LRRN3: variants seen among roughly 807,000 people sequenced by gnomAD.
LRRN3 encodes leucine rich repeat neuronal 3, also known as leucine-rich repeat neuronal protein 3.
LRRN3 carries 15 observed loss-of-function variants against 40.1 expected under a neutral mutation model. The observed-to-expected ratio is 0.37, with a 90% CI of 0.25 to 0.58. The LOEUF (loss-of-function observed/expected upper bound fraction) is 0.58, where lower values mean the gene tolerates loss of function less well. Among genes scored for constraint, LRRN3 ranks in the 20% least tolerant of loss-of-function variants. LRRN3 has a pLI of 0.72. For synonymous variants in LRRN3, 308 were observed against 297.2 expected, an observed-to-expected ratio of 1.04 and a Z score of -0.37; for missense variants, 746 against 837.7, an observed-to-expected ratio of 0.89 and a Z score of 1.35.
In LRRN3 at chr7:111,124,428, T is replaced by G; in HGVS notation, c.1656T>G (p.Val552=). 6.2e-7 allele frequency: 1 copy of G among 1,613,810 alleles called. No homozygotes were observed. The highest frequency in any genetic ancestry group is 1.1e-5 in the South Asian group (1 of 91,072). The change falls in exon 3 of 3, where the codon GTT becomes GTG. Residue 552 remains valine, a synonymous_variant. Coordinates refer to ENST00000308478, the MANE Select transcript of LRRN3 (RefSeq NM_001099658.2). ...GTTCTAAAATTCTCAAATCTAGTGTTAAATGGACAGCCTTTGTCAAGACTG... is the reference window on the plus strand; with the variant it reads ...GTTCTAAAATTCTCAAATCTAGTGTGAAATGGACAGCCTTTGTCAAGACTG... ...KASSKILKSS[V]KWTAFVKTEN...
intron 1 of LRRN3, among the ~76,000 whole-genome samples, chr7:111,096,508 TAA>T (rs5886589): frequency 4.1e-5 from 6 of 144,774 alleles, no homozygotes; most frequent in African/African-American, 1.3e-4. Flanking sequence ...GAGTTAAATT[TAA>T]AAAAAAAAAA....
intron 2 of LRRN3, among the ~76,000 whole-genome samples, chr7:111,118,752 T>C (rs555359312): frequency 3.9e-5 from 6 of 152,202 alleles, no homozygotes; most frequent in Admixed American, 2.0e-4. Context: ...TCCACAGACT[T>C]AAGAAAAAGT....
At position 111,125,195 on chromosome 7, in the gene LRRN3, A is replaced by G. The variant is rs1002137819; in HGVS notation, c.*296A>G. ...GACTACAGTTCAAGTGGACAAAAAC[A>G]TTTCTGTATTTTTTTTAAGTAAATA... is the stretch of plus-strand genomic sequence containing the variant. On this transcript the variant is annotated 3_prime_UTR_variant, in exon 3 of 3. Transcript: ENST00000308478. 4 of 266,812 alleles carry G rather than the reference A, an allele frequency of 1.5e-5. No homozygotes were observed. The Admixed American group carries it at 1.5e-4, about 10-fold the overall frequency. The allele number at this position is 266,812 out of a possible 1,614,324, so 16.5% of individuals were successfully genotyped here. A position where few individuals can be genotyped will look rare whatever the true frequency, so the allele number is the denominator to read the frequency against.
At chr7:111,114,762 G>GA (rs555204081) in intron 2 of LRRN3, among the ~76,000 whole-genome samples, 14 of 145,818 alleles carry the variant, frequency 9.6e-5, no homozygotes, top group Admixed American at 6.8e-5. Context: ...AAGAAAGAAA[G>GA]AAAAAAAAAG....
In LRRN3 at chr7:111,093,575, A is replaced by C. The variant is rs535264719; in HGVS notation, c.-441+2071A>C. 8.5e-5 allele frequency among the ~76,000 whole-genome samples: 13 copies of C among 152,312 alleles called. No individual in the cohort carries two copies. The East Asian group carries it at 1.2e-3, about 14-fold the overall frequency. On this transcript the variant is annotated intron_variant, in intron 1 of 2. Transcript: ENST00000308478. ...CTAACCCGCCTTATTTTAAAATTGCAATAGATGACACCTAAGAACAGTGGA... is the reference window on the plus strand; with the variant it reads ...CTAACCCGCCTTATTTTAAAATTGCCATAGATGACACCTAAGAACAGTGGA...
chr7:111,098,907 A>C (rs1406849836), intron 1 of LRRN3, among the ~76,000 whole-genome samples: 1 of 151,744 alleles, frequency 6.6e-6, no homozygotes, highest in African/African-American at 2.4e-5. Flanking sequence ...TTCTCTATCA[A>C]AATACAGTAA....
At chr7:111,093,954 G>T (rs1366189443) in intron 1 of LRRN3, among the ~76,000 whole-genome samples, 1 of 152,100 alleles carries the variant, frequency 6.6e-6, no homozygotes, top group African/African-American at 2.4e-5. Flanking sequence ...TGGAGGTGGT[G>T]GTTGTTGTTG....
intron 2 of LRRN3, among the ~76,000 whole-genome samples, chr7:111,111,446 C>T (rs552028989): frequency 3.3e-4 from 50 of 151,168 alleles, no homozygotes; most frequent in African/African-American, 9.7e-4. Context: ...TTACTTCCCC[C>T]GCCCTTAATT....
At chr7:111,112,659 G>C (rs1270452652) in intron 2 of LRRN3, among the ~76,000 whole-genome samples, 1 of 152,162 alleles carries the variant, frequency 6.6e-6, no homozygotes, top group African/African-American at 2.4e-5. Context: ...AGATTGTCAG[G>C]AATTTAAGCA....
intron 1 of LRRN3, among the ~76,000 whole-genome samples, 172 bp from the exon 2 acceptor site, chr7:111,099,709 A>G (rs764197449): frequency 1.1e-4 from 16 of 151,484 alleles, no homozygotes; most frequent in South Asian, 6.2e-4. Context: ...TTTTTTTTTG[A>G]AAGTTATAAG....
rs1801013858 is a variant in LRRN3, at chr7:111,124,234, C to A, written c.1462C>A (p.Pro488Thr). 6.2e-7 allele frequency: 1 copy of A among 1,613,926 alleles called. No individual in the cohort carries two copies. Among genetic ancestry groups the A allele is most frequent in the Non-Finnish European group, 8.5e-7 (1 of 1,179,952 alleles). ...AACACTAGATATAAATGGCGTAACTCCCAAAGAAGGGGGTTTATATACTTG... is the reference window on the plus strand; with the variant it reads ...AACACTAGATATAAATGGCGTAACTACCAAAGAAGGGGGTTTATATACTTG... ...EGTLDINGVTPKEGGLYTCIA... is the reference protein window; with the variant it reads ...EGTLDINGVTTKEGGLYTCIA... Residue 488 changes from proline (P) to threonine (T), a missense_variant, in exon 3 of 3, where the codon CCC (proline) becomes ACC (threonine). Coordinates refer to ENST00000308478, the MANE Select transcript of LRRN3 (RefSeq NM_001099658.2).
chr7:111,112,759 A>T (rs1799389577), intron 2 of LRRN3, among the ~76,000 whole-genome samples: 1 of 152,180 alleles, frequency 6.6e-6, no homozygotes, highest in South Asian at 2.1e-4. Context: ...GGGAACTAAA[A>T]ATACAGCCCA....
rs758139811 is a variant in LRRN3 at position 111,124,000 on chromosome 7, G to A, written c.1228G>A (p.Val410Met). Residue 410 changes from valine to methionine, a missense_variant, in exon 3 of 3, where the codon GTG becomes ATG. Val to Met is a conservative substitution (Grantham distance 21, BLOSUM62 1). Coordinates refer to ENST00000308478, the MANE Select transcript of LRRN3 (RefSeq NM_001099658.2). The surrounding 1 kb of genome is among the most constrained non-coding windows in gnomAD (Gnocchi z 6.4). ...PEFQGQNVRQ[V>M]HFRDMMEICL... Reference sequence around the variant, plus strand: ...ATTCCAAGGTCAGAATGTTCGGCAAGTGCATTTCAGGGACATGATGGAAAT... The same window carrying A: ...ATTCCAAGGTCAGAATGTTCGGCAAATGCATTTCAGGGACATGATGGAAAT... 7 of 1,613,962 alleles carry A rather than the reference G, an allele frequency of 4.3e-6. No individual in the cohort carries two copies. The Admixed American group carries it at 1.2e-4, about 27-fold the overall frequency.
intron 2 of LRRN3, among the ~76,000 whole-genome samples, chr7:111,118,895 T>G (rs1000569943): frequency 7.9e-5 from 12 of 152,164 alleles, no homozygotes; most frequent in African/African-American, 2.9e-4. Context: ...GCAAAAGCTT[T>G]CAGAAGAAAT....
At chr7:111,092,983 A>G (rs936132766) in intron 1 of LRRN3, among the ~76,000 whole-genome samples, 10 of 152,230 alleles carry the variant, frequency 6.6e-5, no homozygotes, top group African/African-American at 2.4e-4. Context: ...AGTTTGTAAT[A>G]TAAGCCAAAG....
Position 111,122,223 on chromosome 7 carries a change from A to T in LRRN3, c.-358-192A>T, listed in dbSNP as rs181439922. 8.8e-5 allele frequency among the ~76,000 whole-genome samples: 11 copies of T among 125,424 alleles called. 1 individual carries two copies. Among genetic ancestry groups the T allele is most frequent in the Admixed American group, 5.0e-4 (7 of 13,880 alleles). The allele number at this position is 125,424 out of a possible 152,430, so 82.3% of individuals were successfully genotyped here. ...TGTACCCTAAAACTTAAAGTATAATAAAAAAAAAGAATTATCAAGGACAGT... is the reference window on the plus strand; with the variant it reads ...TGTACCCTAAAACTTAAAGTATAATTAAAAAAAAGAATTATCAAGGACAGT... On this transcript the variant is annotated intron_variant, in intron 2 of 2. Coordinates refer to ENST00000308478, the MANE Select transcript of LRRN3 (RefSeq NM_001099658.2).
intron 1 of LRRN3, among the ~76,000 whole-genome samples, chr7:111,099,495 A>G (rs1478025377): frequency 6.6e-6 from 1 of 151,732 alleles, no homozygotes; most frequent in African/African-American, 2.4e-5. Flanking sequence ...GAAGCGTTCT[A>G]TATTAGCTGT....
chr7:111,113,365 T>G (rs778408716), intron 2 of LRRN3, among the ~76,000 whole-genome samples: 1 of 152,144 alleles, frequency 6.6e-6, no homozygotes, highest in Non-Finnish European at 1.5e-5. Flanking sequence ...CATTTACTTA[T>G]GGCAATCAAT....
At chr7:111,100,591 C>A (rs1301226726) in intron 2 of LRRN3, among the ~76,000 whole-genome samples, 1 of 150,712 alleles carries the variant, frequency 6.6e-6, no homozygotes, top group Non-Finnish European at 1.5e-5. Flanking sequence ...TATAATTCAA[C>A]TAATCTAAAA....
Sources: allele counts gnomAD v4.1 joint callset (sites outside exome capture counted in the v4.1 genomes callset), GRCh38; gene constraint gnomAD v4.1.1; non-coding constraint Gnocchi (gnomAD v3.1); transcripts MANE v1.5; gene names NCBI Gene and HGNC (gene_info 2026-07-23, HGNC 2026-07-21).